Variants in CCP110 observed in about 807,000 individuals in gnomAD.
The protein encoded by CCP110 is centriolar coiled-coil protein of 110 kDa.
A neutral mutation model predicts 105.5 loss-of-function variants in CCP110; 43 were observed. The observed-to-expected ratio is 0.41, with a 90% CI of 0.32 to 0.53. The LOEUF (loss-of-function observed/expected upper bound fraction) is 0.53. Among genes scored for constraint, CCP110 ranks in the 20% least tolerant of loss-of-function variants. The pLI, the probability that CCP110 is intolerant of heterozygous loss-of-function variation, is 0.32. For synonymous variants in CCP110, 353 were observed against 392.1 expected (o/e 0.90, Z 1.18); for missense variants, 1,016 against 1,189.1 (o/e 0.85, Z 2.14).
chr16:19,532,377 T>G, intron 2 of CCP110, 39 bp from the exon 3 acceptor site: 1 of 1,529,860 alleles, frequency 6.5e-7, no homozygotes, highest in Non-Finnish European at 8.8e-7. Context: ...ATGATATTTT[T>G]ATCGTGGGAA....
At chr16:19,537,211 A>G in exon 4 of CCP110, 2 of 1,614,206 alleles carry the variant, frequency 1.2e-6, no homozygotes, top group Non-Finnish European at 1.7e-6. Context: ...GTCAGTGTAT[A>G]GCAAGTCCAA....
At chr16:19,545,420 G>A (rs1970428883) in intron 10 of CCP110, among the ~76,000 whole-genome samples, 1 of 152,140 alleles carries the variant, frequency 6.6e-6, no homozygotes, top group Admixed American at 6.5e-5. Flanking sequence ...TTGGATTTTA[G>A]AGTTGAAGCT....
chr16:19,538,269 T>C (rs902483727), intron 4 of CCP110, among the ~76,000 whole-genome samples: 4 of 150,172 alleles, frequency 2.7e-5, no homozygotes, highest in African/African-American at 7.4e-5. Flanking sequence ...CACTTGGTAT[T>C]ATTGAGAATA....
At chr16:19,533,950 T>C (rs1330285338) in intron 3 of CCP110, among the ~76,000 whole-genome samples, 1 of 152,182 alleles carries the variant, frequency 6.6e-6, no homozygotes, top group Non-Finnish European at 1.5e-5. Flanking sequence ...GAAATCCCTA[T>C]GTAATGAGTC....
chr16:19,543,004 C>A lies in CCP110; in HGVS notation c.2484+10C>A. ...TCGACAAACTGTAAAAGTAAGATTC[C>A]TGTAAATCGTTTGTATTTCACTTCT... On this transcript the variant is annotated intron_variant, in intron 8 of 14. Coordinates refer to ENST00000381396, the Ensembl canonical transcript of CCP110. 1.4e-6 allele frequency: 2 copies of A among 1,401,106 alleles called. No individual in the cohort carries two copies. Among genetic ancestry groups the A allele is most frequent in the Non-Finnish European group, 2.0e-6 (2 of 989,610 alleles). The allele number at this position is 1,401,106 out of a possible 1,614,324, so 86.8% of individuals were successfully genotyped here.
chr16:19,542,633 C>T, exon 7 of CCP110: 1 of 1,610,896 alleles, frequency 6.2e-7, no homozygotes, highest in South Asian at 1.1e-5. Flanking sequence ...TTCACAAATT[C>T]TGCCATGCAA....
intron 6 of CCP110, among the ~76,000 whole-genome samples, chr16:19,542,308 A>G (rs1401180822): frequency 1.3e-5 from 2 of 152,264 alleles, no homozygotes; most frequent in Non-Finnish European, 2.9e-5. Flanking sequence ...GCCCAGTCTG[A>G]TCATTCATGC....
exon 4 of CCP110, chr16:19,535,979 G>A: frequency 6.2e-7 from 1 of 1,612,020 alleles, no homozygotes; most frequent in Non-Finnish European, 8.5e-7. Flanking sequence ...TGATCAGTGG[G>A]AGATGGAAAC....
chr16:19,534,328 A>AGAGCATGTAT (rs1969974678), intron 3 of CCP110, among the ~76,000 whole-genome samples: 1 of 152,222 alleles, frequency 6.6e-6, no homozygotes, highest in Non-Finnish European at 1.5e-5. Flanking sequence ...AATTGTTAAA[A>AGAGCATGTAT]GAGCATGTAT....
intron 4 of CCP110, 85 bp from the exon 5 acceptor site, chr16:19,540,572 A>G (rs1970240963): frequency 1.7e-6 from 2 of 1,153,978 alleles, no homozygotes; most frequent in East Asian, 4.9e-5. Flanking sequence ...CTCTCTTGTC[A>G]GAAGGATAAT....
At chr16:19,542,420 C>T (rs933644998) in intron 6 of CCP110, among the ~76,000 whole-genome samples, 1 of 152,142 alleles carries the variant, frequency 6.6e-6, no homozygotes, top group Non-Finnish European at 1.5e-5. Flanking sequence ...CTTCATATCT[C>T]AATTATCCTG....
At chr16:19,551,248 A>G in exon 15 of CCP110, 1 of 1,610,748 alleles carries the variant, frequency 6.2e-7, no homozygotes, top group African/African-American at 1.3e-5. Context: ...CGACAATTTA[A>G]GAAGACAACA....
chr16:19,528,665 G>A (rs1370147243), intron 2 of CCP110, among the ~76,000 whole-genome samples: 1 of 152,170 alleles, frequency 6.6e-6, no homozygotes, highest in African/African-American at 2.4e-5. Context: ...GAGACCGGAA[G>A]GAAGAGGATT....
chr16:19,532,283 C>T, intron 2 of CCP110, 133 bp from the exon 3 acceptor site: 1 of 661,744 alleles, frequency 1.5e-6, no homozygotes, highest in Admixed American at 3.3e-5. Flanking sequence ...GTACCCAGAC[C>T]ATTGTTCTGA....
Position 19,542,035 on chromosome 16 carries a change from C to G in CCP110, c.2198C>G (p.Ser733Ter). ...GAAACAATGCTGTCTCAAGCGGACTCACTCCATACTTCAAATTCAAATAGT... is the reference window on the plus strand; with the variant it reads ...GAAACAATGCTGTCTCAAGCGGACTGACTCCATACTTCAAATTCAAATAGT... The change falls in exon 6 of 15, where the codon TCA (serine) becomes TGA (stop). Residue 733 changes from serine to a stop codon, truncating the protein, a stop_gained. Transcript: ENST00000381396. LOFTEE classifies it high-confidence loss of function. 1 of 1,585,672 alleles carries G rather than the reference C, an allele frequency of 6.3e-7. No homozygotes were observed. Among genetic ancestry groups the G allele is most frequent in the Non-Finnish European group, 8.5e-7 (1 of 1,172,302 alleles).
rs572768425 is a variant in CCP110, at chr16:19,529,898, G to A, written c.141+1876G>A. On this transcript the variant is annotated intron_variant, in intron 2 of 14. Coordinates refer to ENST00000381396, the Ensembl canonical transcript of CCP110. ...ATAGCTACTGTACGTCTTAAAAACA[G>A]TTTTTTTTATTGGTTGAGCATGGTG... Among the ~76,000 whole-genome samples, 11 of 151,972 alleles carry A rather than the reference G, an allele frequency of 7.2e-5. No individual in the cohort carries two copies. The South Asian group carries it at 2.1e-3, about 29-fold the overall frequency.
At chr16:19,552,892 A>C (rs747022984) in exon 15 of CCP110, 1 of 152,210 alleles carries the variant, frequency 6.6e-6, no homozygotes, top group African/African-American at 2.4e-5. Context: ...GAATGAGTGA[A>C]CCAGAAAATT....
exon 4 of CCP110, chr16:19,536,995 G>A (rs1217084399): frequency 6.2e-7 from 1 of 1,614,032 alleles, no homozygotes; most frequent in Non-Finnish European, 8.5e-7. Context: ...AGGTTTATGT[G>A]GGCAAAAATA....
At chr16:19,532,290 C>T (rs1969897046) in intron 2 of CCP110, 126 bp from the exon 3 acceptor site, 2 of 705,978 alleles carry the variant, frequency 2.8e-6, no homozygotes, top group East Asian at 2.9e-5. Context: ...GACCATTGTT[C>T]TGATTTCTTT....
Sources: gnomAD v4.1 joint callset for allele counts (sites outside exome capture counted in the v4.1 genomes callset) on GRCh38, gnomAD v4.1.1 for gene constraint, MANE v1.5 for transcripts, NCBI Gene and HGNC (gene_info 2026-07-23, HGNC 2026-07-21) for gene names.